Variants in RABGEF1 observed in about 807,000 individuals in gnomAD.
RABGEF1 encodes RAB guanine nucleotide exchange factor 1.
In RABGEF1, 26 loss-of-function variants were observed where a neutral mutation model predicts 57.3. That is an observed-to-expected ratio of 0.45 (90% CI 0.33 to 0.63). The LOEUF is 0.63. RABGEF1 is among the 20% of genes least tolerant of loss of function. The probability of loss-of-function intolerance (pLI) is 0.02; values close to 1 mark genes in which losing one functional copy is unlikely to be tolerated. For missense variants in RABGEF1, 464 were observed against 607.6 expected (o/e 0.76, Z 2.48); for synonymous variants, 185 against 210.7 (o/e 0.88, Z 1.06).
chr7:66,721,199 A>G (rs1796015681), intron 2 of RABGEF1, among the ~76,000 whole-genome samples: 1 of 152,212 alleles, frequency 6.6e-6, no homozygotes, highest in Non-Finnish European at 1.5e-5. Context: ...GATTACAGGC[A>G]TGAGCCACTG....
At chr7:66,762,808 AG>A (rs1008842367) in intron 1 of RABGEF1, among the ~76,000 whole-genome samples, 3 of 152,046 alleles carry the variant, frequency 2.0e-5, no homozygotes, top group African/African-American at 4.8e-5. Flanking sequence ...AGGCTGGGGT[AG>A]GTAGTATTTC....
chr7:66,697,845 C>T (rs1039552669), intron 1 of RABGEF1, among the ~76,000 whole-genome samples: 4 of 152,134 alleles, frequency 2.6e-5, no homozygotes, highest in African/African-American at 9.7e-5. Flanking sequence ...AGGCTGCCAC[C>T]TGCTTCATGT....
the RABGEF1 span, among the ~76,000 whole-genome samples, chr7:66,656,348 C>T: frequency 6.6e-6 from 1 of 152,046 alleles, no homozygotes; most frequent in Non-Finnish European, 1.5e-5. Context: ...AACTCCTGGA[C>T]TCAAGCAATC....
chr7:66,664,454 G>T, the RABGEF1 span, among the ~76,000 whole-genome samples: 2 of 151,466 alleles, frequency 1.3e-5, no homozygotes, highest in South Asian at 2.1e-4. Flanking sequence ...TTAGTCAAGG[G>T]TAGTGGAGTG....
chr7:66,677,331 G>A (rs1438136184), upstream of RABGEF1, among the ~76,000 whole-genome samples: 4 of 152,216 alleles, frequency 2.6e-5, no homozygotes, highest in African/African-American at 9.6e-5. Flanking sequence ...CACTAAGGCC[G>A]GAAACAAAGG....
intron 2 of RABGEF1, among the ~76,000 whole-genome samples, chr7:66,723,510 C>G (rs1796268656): frequency 6.6e-6 from 1 of 152,198 alleles, no homozygotes; most frequent in Non-Finnish European, 1.5e-5. Context: ...ATGCATTTTA[C>G]ACCTATGAAG....
the RABGEF1 span, among the ~76,000 whole-genome samples, chr7:66,656,504 T>C: frequency 6.6e-6 from 1 of 152,150 alleles, no homozygotes; most frequent in East Asian, 1.9e-4. Context: ...GAAGGGTTTT[T>C]AGCTGGGTCC....
chr7:66,770,827 G>A (rs1290211744), intron 1 of RABGEF1, among the ~76,000 whole-genome samples: 2 of 152,182 alleles, frequency 1.3e-5, no homozygotes, highest in African/African-American at 4.8e-5. Context: ...TGGGTGTAAA[G>A]TGATATCTCA....
chr7:66,783,561 C>A, intron 3 of RABGEF1, 114 bp from the exon 4 acceptor site: 2 of 971,238 alleles, frequency 2.1e-6, no homozygotes, highest in Non-Finnish European at 2.8e-6. Context: ...TATTTAAATT[C>A]AAGTTTAACT....
the RABGEF1 span, among the ~76,000 whole-genome samples, chr7:66,658,665 A>G: frequency 1.5e-4 from 23 of 152,344 alleles, no homozygotes; most frequent in Admixed American, 3.3e-4. Flanking sequence ...ATTCTACCAG[A>G]CATTTAAAGG....
At chr7:66,753,669 T>A (rs1164527708) in intron 1 of RABGEF1, among the ~76,000 whole-genome samples, 1 of 151,356 alleles carries the variant, frequency 6.6e-6, no homozygotes, top group African/African-American at 2.4e-5. Flanking sequence ...ACAGTGTTTT[T>A]TCTCTCATCT....
In RABGEF1 at chr7:66,696,675, G is replaced by A. The variant is rs1792382696; in HGVS notation, c.-873+14417G>A. 3.4e-5 allele frequency among the ~76,000 whole-genome samples: 5 copies of A among 147,430 alleles called. No homozygotes were observed. The South Asian group carries it at 1.1e-3, about 32-fold the overall frequency. ...ATTGCACTCCAGCCTGGGTGACAGG[G>A]CGAGACTCCGTCTCAAAAAAAAAAA... On this transcript the variant is annotated intron_variant and NMD_transcript_variant, in intron 1 of 9. Transcript: ENST00000607882.
intron 7 of RABGEF1, among the ~76,000 whole-genome samples, chr7:66,802,356 C>G (rs1787484080): frequency 6.6e-6 from 1 of 152,206 alleles, no homozygotes; most frequent in South Asian, 2.1e-4. Context: ...AAGCCATGAC[C>G]TGGAGGTACA....
chr7:66,736,559 A>G (rs1246435307), upstream of RABGEF1, among the ~76,000 whole-genome samples: 3 of 152,164 alleles, frequency 2.0e-5, no homozygotes, highest in African/African-American at 7.2e-5. Flanking sequence ...AATGAGGTTG[A>G]GGTGGAAAGA....
At chr7:66,753,165 G>T (rs975465690) in intron 1 of RABGEF1, among the ~76,000 whole-genome samples, 6 of 152,204 alleles carry the variant, frequency 3.9e-5, no homozygotes, top group Non-Finnish European at 5.9e-5. Flanking sequence ...GGATTTGAAG[G>T]TGAACAGACA....
chr7:66,807,426 C>T (rs1283401364), intron 8 of RABGEF1, among the ~76,000 whole-genome samples: 4 of 152,214 alleles, frequency 2.6e-5, no homozygotes, highest in Admixed American at 6.5e-5. Flanking sequence ...TTCCTTGTCT[C>T]TTTGTAAAGT....
intron 1 of RABGEF1, among the ~76,000 whole-genome samples, chr7:66,683,123 A>G (rs1024338438): frequency 6.6e-6 from 1 of 152,144 alleles, no homozygotes; most frequent in Non-Finnish European, 1.5e-5. Context: ...TCCCCTCTCT[A>G]AATCTAAAAC....
chr7:66,680,173 A>ATTGTTAT (rs1789596736), upstream of RABGEF1, among the ~76,000 whole-genome samples: 1 of 152,154 alleles, frequency 6.6e-6, no homozygotes, highest in South Asian at 2.1e-4. Context: ...AATTATCACC[A>ATTGTTAT]TGTAATGTAC....
At chr7:66,759,898 A>G (rs1190599544) in intron 1 of RABGEF1, among the ~76,000 whole-genome samples, 1 of 152,206 alleles carries the variant, frequency 6.6e-6, no homozygotes, top group African/African-American at 2.4e-5. Flanking sequence ...GTCCCTTTAA[A>G]ACTGATCACC....
Sources: gnomAD v4.1 joint callset for allele counts (sites outside exome capture counted in the v4.1 genomes callset) on GRCh38, gnomAD v4.1.1 for gene constraint, MANE v1.5 for transcripts, NCBI Gene and HGNC (gene_info 2026-07-23, HGNC 2026-07-21) for gene names.